OLFML2B: variants seen among roughly 807,000 people sequenced by gnomAD.
OLFML2B encodes the protein olfactomedin like 2B.
In OLFML2B, 57 loss-of-function variants were observed where a neutral mutation model predicts 74.9. That is an observed-to-expected ratio of 0.76 (90% CI 0.61 to 0.95). The LOEUF (loss-of-function observed/expected upper bound fraction) is 0.95, where lower values mean the gene tolerates loss of function less well. Among genes scored for constraint, OLFML2B ranks in the 40% least tolerant of loss-of-function variants. OLFML2B has a pLI of 0.00. For synonymous variants in OLFML2B, 388 were observed against 405.8 expected (o/e 0.96, Z 0.53); for missense variants, 986 against 970.6 (o/e 1.02, Z -0.21).
rs552175456 is a variant in OLFML2B at position 162,019,387 on chromosome 1, G to T, written c.438+532C>A. On this transcript the variant is annotated intron_variant, in intron 2 of 7. Transcript: ENST00000294794. ...ACTACCCCACGCTGCAAGGGAAGAG[G>T]GGGTGCAGGATCAGAAGCCCTCAGC... 1.1e-4 allele frequency among the ~76,000 whole-genome samples: 16 copies of T among 152,256 alleles called. No homozygotes were observed. The South Asian group carries it at 3.3e-3, about 32-fold the overall frequency.
intron 1 of OLFML2B, among the ~76,000 whole-genome samples, chr1:162,023,052 G>T (rs1690770796): frequency 6.6e-6 from 1 of 152,128 alleles, no homozygotes; most frequent in Non-Finnish European, 1.5e-5. Context: ...CTCCTGATTT[G>T]ATGACCTTTA....
rs755930041 is a variant in OLFML2B at position 162,023,353 on chromosome 1, T to C, written c.78A>G (p.Thr26=). The change falls in exon 1 of 8, where the codon ACA becomes ACG. Residue 26 remains threonine (T), a synonymous_variant. Coordinates refer to ENST00000294794, the MANE Select transcript of OLFML2B (RefSeq NM_015441.3). ...VPAWVSSIVL[T]GTSEPPDAQT... is the part of the protein sequence containing the mutation. ...GCGCATCTGGGGGCTCGCTTGTCCC[T>C]GTGAGGACAATGCTGGACACCCAGG... The C allele has an allele frequency of 1.9e-6, 3 of 1,607,496 alleles. No individual in the cohort carries two copies. In the African/African-American group the frequency reaches 4.0e-5, roughly 22 times the overall value.
intron 6 of OLFML2B, among the ~76,000 whole-genome samples, chr1:161,986,120 C>T (rs1026179386): frequency 1.3e-5 from 2 of 152,182 alleles, no homozygotes; most frequent in African/African-American, 4.8e-5. Flanking sequence ...GAATGCTGCC[C>T]TCACAGCTTC....
chr1:161,999,044 C>T (rs1056997877), intron 5 of OLFML2B, among the ~76,000 whole-genome samples: 1 of 152,186 alleles, frequency 6.6e-6, no homozygotes, highest in Admixed American at 6.5e-5. Flanking sequence ...ATGACTGAAG[C>T]AGAGGCAAGG....
In OLFML2B at chr1:162,020,027, T is replaced by C. The variant is rs1208954965; in HGVS notation, c.330A>G (p.Ser110=). 1.9e-6 allele frequency: 3 copies of C among 1,614,188 alleles called. No individual in the cohort carries two copies. Among genetic ancestry groups the C allele is most frequent in the Middle Eastern group, 1.6e-4 (1 of 6,062 alleles). ...EDFYTVETIT[S]GSSCKCACVA... ...CACAGGCACACTTGCACGACGAGCC[T>C]GAGGTGATGGTTTCCACGGTATAGA... Residue 110 remains serine, a synonymous_variant, in exon 2 of 8, where the codon TCA becomes TCG. Coordinates refer to ENST00000294794, the MANE Select transcript of OLFML2B (RefSeq NM_015441.3).
rs1185314164 is a variant in OLFML2B, at chr1:161,994,966, G to C, written c.1474+2859C>G. Among the ~76,000 whole-genome samples, 4 of 152,168 alleles carry C rather than the reference G, an allele frequency of 2.6e-5. No homozygotes were observed. The East Asian group carries it at 7.7e-4, about 29-fold the overall frequency. Reference sequence around the variant, plus strand: ...GCTGGATTCATCAAACAGCAAACAAGCTTTCCCAGGTAGCAAATCAGTGGC... The same window carrying C: ...GCTGGATTCATCAAACAGCAAACAACCTTTCCCAGGTAGCAAATCAGTGGC... On this transcript the variant is annotated intron_variant, in intron 6 of 7. Transcript: ENST00000294794.
chr1:162,017,428 A>G lies in OLFML2B; in HGVS notation c.518T>C (p.Leu173Pro), dbSNP rs1464070838. The G allele has an allele frequency of 2.5e-6, 4 of 1,613,482 alleles. No individual in the cohort carries two copies. In the African/African-American group the frequency reaches 5.3e-5, roughly 22 times the overall value. The change falls in exon 3 of 8, where the codon CTG becomes CCG. Residue 173 changes from leucine to proline, a missense_variant. By Grantham distance (98) the Leu-to-Pro change is moderately conservative. Coordinates refer to ENST00000294794, the MANE Select transcript of OLFML2B (RefSeq NM_015441.3). ...CTCCAGTTTATCCACTCGCCCCACC[A>G]GTTTGGTGGTGACTGAATGTAGCTT... Reference protein sequence around the residue: ...LLKLHSVTTKLVGRVDKLEEE... With the variant: ...LLKLHSVTTKPVGRVDKLEEE...
At chr1:161,992,413 A>G (rs962674953) in intron 6 of OLFML2B, among the ~76,000 whole-genome samples, 4 of 152,238 alleles carry the variant, frequency 2.6e-5, no homozygotes, top group African/African-American at 9.6e-5. Flanking sequence ...CTTATCATTC[A>G]TGTGTTTACT....
intron 6 of OLFML2B, among the ~76,000 whole-genome samples, chr1:161,991,869 G>T (rs1689752929): frequency 6.6e-6 from 1 of 152,210 alleles, no homozygotes; most frequent in African/African-American, 2.4e-5. Flanking sequence ...GAGTAGATTT[G>T]CATAATTCTT....
rs369496143 is a variant in OLFML2B at position 162,002,229 on chromosome 1, G to A, written c.724-1891C>T. 2.1e-4 allele frequency among the ~76,000 whole-genome samples: 32 copies of A among 152,340 alleles called. No individual in the cohort carries two copies. The East Asian group carries it at 4.8e-3, about 23-fold the overall frequency. On this transcript the variant is annotated intron_variant, in intron 4 of 7. Transcript: ENST00000294794. ...AGAAGTGTGGGAGCCTGAGAGGAGC[G>A]TGGCCCAGCCCTGCTCTCCCCAGGA...
intron 6 of OLFML2B, among the ~76,000 whole-genome samples, chr1:161,987,217 G>T (rs894510800): frequency 3.3e-5 from 5 of 152,248 alleles, no homozygotes; most frequent in African/African-American, 1.2e-4. Context: ...CAGAGTGCAT[G>T]GAGAGTCCCC....
rs780599996 is a variant in OLFML2B at position 162,019,908 on chromosome 1, C to A, written c.438+11G>T. ...CTCTCGTCCAAGGCATTGCCCCATA[C>A]CAGGTCCTACCTTCAAGTCCTGGCT... On this transcript the variant is annotated intron_variant, in intron 2 of 7. Transcript: ENST00000294794. 6.2e-7 allele frequency: 1 copy of A among 1,613,644 alleles called. No homozygotes were observed. Among genetic ancestry groups the A allele is most frequent in the Non-Finnish European group, 8.5e-7 (1 of 1,179,746 alleles).
In OLFML2B at chr1:161,991,690, C is replaced by T. The variant is rs1382410738; in HGVS notation, c.1474+6135G>A. On this transcript the variant is annotated intron_variant, in intron 6 of 7. Coordinates refer to ENST00000294794, the MANE Select transcript of OLFML2B (RefSeq NM_015441.3). ...GGCAGAGGTTGCAGTGAGCTGAAAT[C>T]GTGCCACTGCATTCCAGCCTTGGTG... Among the ~76,000 whole-genome samples the T allele has an allele frequency of 3.9e-5, 6 of 152,200 alleles. No individual in the cohort carries two copies. The East Asian group carries it at 5.8e-4, about 15-fold the overall frequency.
intron 3 of OLFML2B, among the ~76,000 whole-genome samples, chr1:162,016,704 T>C (rs58006162): frequency 0.019 from 2,825 of 152,318 alleles, 32 homozygotes; most frequent in Middle Eastern, 0.048. Context: ...ATTTCTCATC[T>C]ATATGTTAAG....
chr1:162,019,802 T>C, intron 2 of OLFML2B, 117 bp downstream of exon 2: 2 of 1,299,302 alleles, frequency 1.5e-6, no homozygotes, highest in Non-Finnish European at 1.0e-6. Flanking sequence ...CACAGCACTC[T>C]AGGGAACAGG....
chr1:161,985,063 A>G, intron 6 of OLFML2B, 83 bp from the exon 7 acceptor site: 2 of 1,406,872 alleles, frequency 1.4e-6, no homozygotes, highest in Non-Finnish European at 1.9e-6. Context: ...ATCCATTTAG[A>G]GTCTGGACTC....
chr1:161,984,356 T>C, intron 7 of OLFML2B, 80 bp from the exon 8 acceptor site: 1 of 1,493,242 alleles, frequency 6.7e-7, no homozygotes, highest in African/African-American at 1.4e-5. Flanking sequence ...TGAGTGATGA[T>C]CAACGAGGGG....
rs367795515 is a variant in OLFML2B at position 162,020,758 on chromosome 1, A to G, written c.175-576T>C. ...TTGAACTCCTGACCCTAAGTGATCC[A>G]CCTGCCCCGGCCTCCCAAAGTGCTG... On this transcript the variant is annotated intron_variant, in intron 1 of 7. Transcript: ENST00000294794. 1.3e-4 allele frequency among the ~76,000 whole-genome samples: 20 copies of G among 152,074 alleles called. No individual in the cohort carries two copies. In the East Asian group the frequency reaches 3.3e-3, roughly 25 times the overall value.
At position 161,998,382 on chromosome 1, in the gene OLFML2B, G is replaced by A. The variant is rs767314585; in HGVS notation, c.950-33C>T. The A allele has an allele frequency of 2.1e-5, 32 of 1,527,596 alleles. No individual in the cohort carries two copies. The East Asian group carries it at 3.9e-4, about 18-fold the overall frequency. 94.6% of individuals were successfully genotyped at this position (1,527,596 alleles called of 1,614,324 possible). ...ACAAACACAAGGTTCACTGTGGCAC[G>A]GGAAAGAAACAACCTACAGATGACA... On this transcript the variant is annotated intron_variant, in intron 5 of 7. Coordinates refer to ENST00000294794, the MANE Select transcript of OLFML2B (RefSeq NM_015441.3).
Sources: gnomAD v4.1 joint callset for allele counts (sites outside exome capture counted in the v4.1 genomes callset) on GRCh38, gnomAD v4.1.1 for gene constraint, MANE v1.5 for transcripts, NCBI Gene and HGNC (gene_info 2026-07-23, HGNC 2026-07-21) for gene names.